The following CSGALNACT1 variants were observed in gnomAD, a reference collection of about 807,000 sequenced individuals.
CSGALNACT1 encodes beta4GalNAcT-1.
Under a neutral mutation model 51.0 loss-of-function variants are expected in CSGALNACT1, and 52 were observed. The ratio of observed to expected loss-of-function variants is 1.02; its 90% CI spans 0.82 to 1.29. CSGALNACT1 has a LOEUF of 1.29. Ranked by LOEUF, CSGALNACT1 falls within the 50% of genes most tolerant of loss-of-function variation. The probability of loss-of-function intolerance (pLI) is 0.00; values close to 1 mark genes in which losing one functional copy is unlikely to be tolerated. For missense variants in CSGALNACT1, 935 were observed against 679.2 expected (o/e 1.38, Z -4.19); for synonymous variants, 341 against 254.4 (o/e 1.34, Z -3.24).
chr8:19,405,314 A>T (rs2053932855), exon 10 of CSGALNACT1: 2 of 454,338 alleles, frequency 4.4e-6, no homozygotes, highest in African/African-American at 2.0e-5. Flanking sequence ...GTATCATAAT[A>T]AGCCTATCTC....
At chr8:19,484,337 G>T (rs1444533109) in intron 4 of CSGALNACT1, among the ~76,000 whole-genome samples, 1 of 152,126 alleles carries the variant, frequency 6.6e-6, no homozygotes, top group South Asian at 2.1e-4. Context: ...TATAAAGAGG[G>T]GTTGGTACTA....
At chr8:19,599,615 T>A (rs2049962922) in intron 2 of CSGALNACT1, among the ~76,000 whole-genome samples, 1 of 151,330 alleles carries the variant, frequency 6.6e-6, no homozygotes, top group Non-Finnish European at 1.5e-5. Flanking sequence ...AAAGAAAGAA[T>A]AAATAAATAA....
At chr8:19,635,628 G>C (rs1481295787) in intron 1 of CSGALNACT1, among the ~76,000 whole-genome samples, 1 of 152,038 alleles carries the variant, frequency 6.6e-6, no homozygotes, top group Non-Finnish European at 1.5e-5. Context: ...CACTTTTTCG[G>C]CATATTGAGG....
At chr8:19,495,105 C>G (rs1321366205) in intron 4 of CSGALNACT1, 1 of 152,178 alleles carries the variant, frequency 6.6e-6, no homozygotes, top group Non-Finnish European at 1.5e-5. Context: ...TCAATGGAAA[C>G]AGGTGGAGAG....
In CSGALNACT1 at chr8:19,404,622, A is replaced by T. The variant is rs548241999; in HGVS notation, c.*1158T>A. 562 of 434,154 alleles carry T rather than the reference A, an allele frequency of 1.3e-3. 5 individuals are homozygous for T. Among genetic ancestry groups the T allele is most frequent in the African/African-American group, 5.9e-3 (287 of 48,580 alleles). The allele number at this position is 434,154 out of a possible 1,614,324, so 26.9% of individuals were successfully genotyped here. A position where few individuals can be genotyped will look rare whatever the true frequency, so the allele number is the denominator to read the frequency against. ...GATCTTTCACAATATATATATATATATTTTTTTCTCCATTTCTTCTTATGG... is the reference window on the plus strand; with the variant it reads ...GATCTTTCACAATATATATATATATTTTTTTTTCTCCATTTCTTCTTATGG... On this transcript the variant is annotated 3_prime_UTR_variant, in exon 10 of 10. Transcript: ENST00000454498.
chr8:19,560,935 A>G (rs553290423), intron 3 of CSGALNACT1, among the ~76,000 whole-genome samples: 1 of 152,316 alleles, frequency 6.6e-6, no homozygotes, highest in African/African-American at 2.4e-5. Flanking sequence ...CATTCAATCA[A>G]ATACTTCACT....
intron 2 of CSGALNACT1, among the ~76,000 whole-genome samples, 177 bp downstream of exon 2, chr8:19,601,594 T>C (rs1040162100): frequency 3.9e-5 from 6 of 152,238 alleles, no homozygotes; most frequent in African/African-American, 1.4e-4. Flanking sequence ...AAGGATTCAA[T>C]GGAGCCAAGT....
chr8:19,509,076 C>A (rs1376522096), intron 3 of CSGALNACT1, among the ~76,000 whole-genome samples: 1 of 152,170 alleles, frequency 6.6e-6, no homozygotes, highest in Non-Finnish European at 1.5e-5. Context: ...AAGGAGGCAG[C>A]AATGAATTTT....
chr8:19,666,550 C>T (rs2059186226), intron 1 of CSGALNACT1, among the ~76,000 whole-genome samples: 1 of 151,388 alleles, frequency 6.6e-6, no homozygotes, highest in Admixed American at 6.6e-5. Flanking sequence ...TAAAGATTAG[C>T]CAGGTGTGGT....
chr8:19,727,098 T>G (rs2063440883), intron 1 of CSGALNACT1, among the ~76,000 whole-genome samples: 1 of 152,164 alleles, frequency 6.6e-6, no homozygotes, highest in Admixed American at 6.5e-5. Context: ...TTCCTGGGGC[T>G]GAGGGAAGGC....
chr8:19,577,914 G>C (rs540400146), intron 3 of CSGALNACT1, among the ~76,000 whole-genome samples: 1 of 152,324 alleles, frequency 6.6e-6, no homozygotes, highest in African/African-American at 2.4e-5. Flanking sequence ...TGAGACATCA[G>C]TCCAGCCCTC....
rs1183847654 is a variant in CSGALNACT1, at chr8:19,662,067, C to G, written c.-544+20406G>C. 5.6e-5 allele frequency among the ~76,000 whole-genome samples: 3 copies of G among 53,464 alleles called. No individual in the cohort carries two copies. In the South Asian group the frequency reaches 3.0e-3, roughly 53 times the overall value. The allele number at this position is 53,464 out of a possible 152,430, so 35.1% of individuals were successfully genotyped here. A position where few individuals can be genotyped will look rare whatever the true frequency, so the allele number is the denominator to read the frequency against. On this transcript the variant is annotated intron_variant, in intron 1 of 9. Transcript: ENST00000332246. ...TCCCACTATTACAGTTGCCCCCACC[C>G]CCCCCCACCCCCCCCCCCCCCCGCA...
intron 1 of CSGALNACT1, among the ~76,000 whole-genome samples, chr8:19,727,639 T>C (rs1167736107): frequency 1.3e-5 from 2 of 152,204 alleles, no homozygotes. Context: ...GCCACTGCAA[T>C]TGGCCACAAA....
In CSGALNACT1 at chr8:19,414,279, G is replaced by A. The variant is rs1252977911; in HGVS notation, c.1227+4377C>T. ...ATTTAGAAACCTATCTCTGGCAGAG[G>A]GTGAACAAAAAACCGGAGTCTAGGG... On this transcript the variant is annotated intron_variant, in intron 8 of 9. Coordinates refer to ENST00000454498, the Ensembl canonical transcript of CSGALNACT1. 2.6e-5 allele frequency among the ~76,000 whole-genome samples: 4 copies of A among 152,238 alleles called. No homozygotes were observed. The East Asian group carries it at 7.7e-4, about 29-fold the overall frequency.
At chr8:19,408,493 TTTTTGA>T in intron 9 of CSGALNACT1, 114 bp downstream of exon 8, 2 of 453,812 alleles carry the variant, frequency 4.4e-6, no homozygotes, top group Non-Finnish European at 7.7e-6. Context: ...TTTTTTTTTT[TTTTTGA>T]AGGCAATGGT....
intron 1 of CSGALNACT1, among the ~76,000 whole-genome samples, chr8:19,677,112 T>TC (rs992995531): frequency 6.6e-6 from 1 of 150,460 alleles, no homozygotes; most frequent in African/African-American, 2.4e-5. Context: ...TGAGAATGCT[T>TC]TTTTTTTTCC....
intron 1 of CSGALNACT1, among the ~76,000 whole-genome samples, chr8:19,649,513 G>C (rs1564346638): frequency 6.6e-6 from 1 of 152,002 alleles, no homozygotes; most frequent in Non-Finnish European, 1.5e-5. Context: ...TTAAAGAAAT[G>C]TTGTCTTAGT....
chr8:19,405,103 A>G (rs1430049867), exon 10 of CSGALNACT1: 2 of 453,594 alleles, frequency 4.4e-6, no homozygotes, highest in Non-Finnish European at 8.8e-6. Context: ...AAGGCTTGCA[A>G]AGTGGTAATT....
At chr8:19,661,025 G>A (rs2058705628) in intron 1 of CSGALNACT1, among the ~76,000 whole-genome samples, 1 of 151,866 alleles carries the variant, frequency 6.6e-6, no homozygotes, top group Admixed American at 6.6e-5. Context: ...CGAATCTCCT[G>A]CTTCACCCTC....
Sources: allele counts gnomAD v4.1 joint callset (sites outside exome capture counted in the v4.1 genomes callset), GRCh38; gene constraint gnomAD v4.1.1; transcripts MANE v1.5; gene names NCBI Gene and HGNC (gene_info 2026-07-23, HGNC 2026-07-21).